MYOZ2: variants seen among roughly 807,000 people sequenced by gnomAD.
MYOZ2 encodes myozenin 2.
Under a neutral mutation model 25.4 loss-of-function variants are expected in MYOZ2, and 19 were observed. That is an observed-to-expected ratio of 0.75 (90% CI 0.52 to 1.10). The LOEUF (loss-of-function observed/expected upper bound fraction) is 1.10. Ranked by LOEUF, MYOZ2 falls within the 50% of genes least tolerant of loss-of-function variation. The pLI, the probability that MYOZ2 is intolerant of heterozygous loss-of-function variation, is 0.00. For synonymous variants in MYOZ2, 92 were observed against 106.9 expected (o/e 0.86, Z 0.86); for missense variants, 270 against 317.9 (o/e 0.85, Z 1.15).
At chr4:119,164,692 A>C (rs2149225404) in intron 5 of MYOZ2, among the ~76,000 whole-genome samples, 1 of 152,326 alleles carries the variant, frequency 6.6e-6, no homozygotes, top group East Asian at 1.9e-4. Flanking sequence ...AATAGTTTCA[A>C]ATCCAAAGAT....
intron 5 of MYOZ2, among the ~76,000 whole-genome samples, chr4:119,180,087 T>C (rs1742157251): frequency 6.6e-6 from 1 of 152,208 alleles, no homozygotes; most frequent in Non-Finnish European, 1.5e-5. Flanking sequence ...TACTTAATGA[T>C]TGGGGAATCA....
chr4:119,145,098 C>T (rs1361487170), intron 2 of MYOZ2, among the ~76,000 whole-genome samples: 1 of 152,090 alleles, frequency 6.6e-6, no homozygotes, highest in African/African-American at 2.4e-5. Flanking sequence ...AGCTCTAGAT[C>T]TCAAAGATAC....
intron 5 of MYOZ2, among the ~76,000 whole-genome samples, chr4:119,177,568 G>A (rs888143246): frequency 6.6e-6 from 1 of 152,066 alleles, no homozygotes; most frequent in Non-Finnish European, 1.5e-5. Flanking sequence ...GTCAACCAAT[G>A]GGATCACTTT....
chr4:119,141,693 A>G (rs1578723579), intron 2 of MYOZ2, among the ~76,000 whole-genome samples: 2 of 152,308 alleles, frequency 1.3e-5, no homozygotes, highest in East Asian at 3.9e-4. Flanking sequence ...TATTTTTAAT[A>G]GATGATCTAA....
At chr4:119,176,080 C>T (rs1036068695) in intron 5 of MYOZ2, among the ~76,000 whole-genome samples, 1 of 152,076 alleles carries the variant, frequency 6.6e-6, no homozygotes, top group African/African-American at 2.4e-5. Context: ...TGTATTTTTT[C>T]CTCATGTTTC....
Position 119,186,186 on chromosome 4 carries a change from T to G in MYOZ2, c.781T>G (p.Ser261Ala), listed in dbSNP as rs1397931406. 1 of 1,611,600 alleles carries G rather than the reference T, an allele frequency of 6.2e-7. No individual in the cohort carries two copies. The highest frequency in any genetic ancestry group is 8.5e-7 in the Non-Finnish European group (1 of 1,177,872). ...EPTDDTTVPESEDL is the reference protein window; with the variant it reads ...EPTDDTTVPEAEDL ...TACAGATGATACCACTGTACCAGAA[T>G]CAGAAGACCTATGAAAAGAAAGTTG... The change falls in exon 6 of 6, where the codon TCA (serine) becomes GCA (alanine). Residue 261 changes from serine to alanine, a missense_variant. Coordinates refer to ENST00000307128, the MANE Select transcript of MYOZ2 (RefSeq NM_016599.5).
chr4:119,160,177 G>A (rs78059379), intron 4 of MYOZ2, among the ~76,000 whole-genome samples: 315 of 152,200 alleles, frequency 2.1e-3, no homozygotes, highest in Non-Finnish European at 3.3e-3. Flanking sequence ...GATGGTATGC[G>A]AATAGTCCCT....
At chr4:119,141,546 C>G (rs1741159052) in intron 2 of MYOZ2, among the ~76,000 whole-genome samples, 1 of 152,108 alleles carries the variant, frequency 6.6e-6, no homozygotes, top group African/African-American at 2.4e-5. Context: ...CTACGCTTGG[C>G]TAATTTTTGT....
intron 5 of MYOZ2, among the ~76,000 whole-genome samples, chr4:119,174,769 G>A (rs1482478764): frequency 6.6e-6 from 1 of 152,098 alleles, no homozygotes; most frequent in Non-Finnish European, 1.5e-5. Context: ...CCACACAGTG[G>A]AAGCTTTGTT....
intron 5 of MYOZ2, among the ~76,000 whole-genome samples, chr4:119,169,260 T>C (rs1741898345): frequency 6.6e-6 from 1 of 152,242 alleles, no homozygotes; most frequent in African/African-American, 2.4e-5. Context: ...ACATAACTTT[T>C]ATATACGCTG....
chr4:119,187,776 A>G lies in MYOZ2; in HGVS notation c.*1576A>G, dbSNP rs1742338551. 6.6e-6 allele frequency: 1 copy of G among 152,184 alleles called. No homozygotes were observed. The highest frequency in any genetic ancestry group is 1.9e-4 in the East Asian group (1 of 5,202). The allele number at this position is 152,184 out of a possible 1,614,324, so 9.4% of individuals were successfully genotyped here. A position where few individuals can be genotyped will look rare whatever the true frequency, so the allele number is the denominator to read the frequency against. ...AATCTTTAAAAAATAAAAATTAGGCATATTAATTATGCATTTTGATGAAAT... is the reference window on the plus strand; with the variant it reads ...AATCTTTAAAAAATAAAAATTAGGCGTATTAATTATGCATTTTGATGAAAT... On this transcript the variant is annotated 3_prime_UTR_variant, in exon 6 of 6. Coordinates refer to ENST00000307128, the MANE Select transcript of MYOZ2 (RefSeq NM_016599.5).
chr4:119,139,609 A>T (rs1337719970), intron 2 of MYOZ2, among the ~76,000 whole-genome samples: 2 of 152,192 alleles, frequency 1.3e-5, no homozygotes, highest in Non-Finnish European at 2.9e-5. Context: ...TGATAAAGAG[A>T]TGGGGCAATC....
At chr4:119,141,407 G>C (rs1392348503) in intron 2 of MYOZ2, among the ~76,000 whole-genome samples, 1 of 151,892 alleles carries the variant, frequency 6.6e-6, no homozygotes, top group African/African-American at 2.4e-5. Flanking sequence ...TTTTGAGATG[G>C]AGTCTTGCTC....
At chr4:119,136,861 T>G (rs963147743) in intron 2 of MYOZ2, among the ~76,000 whole-genome samples, 23 of 152,218 alleles carry the variant, frequency 1.5e-4, no homozygotes, top group African/African-American at 5.5e-4. Flanking sequence ...ACATTCTGCT[T>G]GGCTTGCCTT....
intron 2 of MYOZ2, among the ~76,000 whole-genome samples, chr4:119,144,951 T>C (rs1018581858): frequency 3.9e-5 from 6 of 152,240 alleles, no homozygotes; most frequent in African/African-American, 1.4e-4. Flanking sequence ...ATTTTGATGA[T>C]GTCCAGTTTA....
intron 5 of MYOZ2, among the ~76,000 whole-genome samples, chr4:119,181,147 A>C (rs544066112): frequency 2.0e-5 from 3 of 152,264 alleles, no homozygotes; most frequent in Admixed American, 2.0e-4. Flanking sequence ...CCTTTTATAC[A>C]TTCCTTCTGG....
intron 2 of MYOZ2, among the ~76,000 whole-genome samples, chr4:119,144,225 A>C (rs1164221966): frequency 6.6e-6 from 1 of 152,150 alleles, no homozygotes; most frequent in African/African-American, 2.4e-5. Flanking sequence ...ACAGCATATA[A>C]CCTTTTGGGA....
Position 119,162,990 on chromosome 4 carries a change from T to A in MYOZ2, c.377-1221T>A, listed in dbSNP as rs188773332. Among the ~76,000 whole-genome samples, 535 of 152,302 alleles carry A rather than the reference T, an allele frequency of 3.5e-3. 2 individuals are homozygous for A. The highest frequency in any genetic ancestry group is 0.011 in the African/African-American group (459 of 41,558). ...TCAGTAGAGGGCTTGATTATTTTTTTAAAAAGTCAGAATTATCAATACATA... is the reference window on the plus strand; with the variant it reads ...TCAGTAGAGGGCTTGATTATTTTTTAAAAAAGTCAGAATTATCAATACATA... On this transcript the variant is annotated intron_variant, in intron 4 of 5. Transcript: ENST00000307128.
At chr4:119,169,313 T>C (rs1049438663) in intron 5 of MYOZ2, among the ~76,000 whole-genome samples, 2 of 152,240 alleles carry the variant, frequency 1.3e-5, no homozygotes, top group African/African-American at 4.8e-5. Context: ...TGTGATACTC[T>C]ATTGCAGTGG....
Sources: allele counts gnomAD v4.1 joint callset (sites outside exome capture counted in the v4.1 genomes callset), GRCh38; gene constraint gnomAD v4.1.1; transcripts MANE v1.5; gene names NCBI Gene and HGNC (gene_info 2026-07-23, HGNC 2026-07-21).